The following LINGO2 variants were observed in gnomAD, a reference collection of about 807,000 sequenced individuals.
LINGO2 encodes the protein leucine-rich repeat and immunoglobulin-like domain-containing nogo receptor-interacting protein 2.
LINGO2 carries 14 observed loss-of-function variants against 30.6 expected under a neutral mutation model. The ratio of observed to expected loss-of-function variants is 0.46; its 90% CI spans 0.30 to 0.72. The LOEUF is 0.72. LINGO2 is among the 30% of genes least tolerant of loss of function. LINGO2 has a pLI of 0.07. For missense variants in LINGO2, 729 were observed against 751.7 expected, an observed-to-expected ratio of 0.97 and a Z score of 0.35; for synonymous variants, 317 against 288.5, an observed-to-expected ratio of 1.10 and a Z score of -1.00.
intron 4 of LINGO2, among the ~76,000 whole-genome samples, chr9:28,244,145 C>T (rs1821912651): frequency 6.6e-6 from 1 of 152,176 alleles, no homozygotes; most frequent in African/African-American, 2.4e-5. Context: ...ACAGTGCAAT[C>T]AAATTAGAAC....
intron 3 of LINGO2, among the ~76,000 whole-genome samples, chr9:28,311,027 C>T (rs145510179): frequency 1.3e-5 from 2 of 152,174 alleles, no homozygotes; most frequent in East Asian, 1.9e-4. Context: ...CATGTAGATT[C>T]TTTTCTATTT....
At chr9:28,494,272 G>T (rs959600532) in intron 1 of LINGO2, among the ~76,000 whole-genome samples, 4 of 151,850 alleles carry the variant, frequency 2.6e-5, no homozygotes, top group Non-Finnish European at 5.9e-5. Context: ...CAACTTGCAG[G>T]TTTGTTACAT....
chr9:29,183,596 T>A, the LINGO2 span, among the ~76,000 whole-genome samples: 1 of 152,198 alleles, frequency 6.6e-6, no homozygotes, highest in African/African-American at 2.4e-5. Flanking sequence ...TCGGGTTCAT[T>A]CATTCCTCTA....
the LINGO2 span, among the ~76,000 whole-genome samples, chr9:28,969,178 T>C: frequency 6.6e-6 from 1 of 151,550 alleles, no homozygotes; most frequent in South Asian, 2.1e-4. Flanking sequence ...AGATCAGCAC[T>C]GTGTTAAAAA....
At chr9:28,269,610 C>A (rs182160912) in intron 4 of LINGO2, among the ~76,000 whole-genome samples, 3 of 152,198 alleles carry the variant, frequency 2.0e-5, no homozygotes, top group Admixed American at 6.5e-5. Flanking sequence ...CACAGCAAGG[C>A]AAACTTTTCT....
the LINGO2 span, among the ~76,000 whole-genome samples, chr9:28,676,475 TTACATTTTTACTACAC>T: frequency 7.9e-5 from 12 of 152,190 alleles, no homozygotes; most frequent in Admixed American, 6.5e-4. Context: ...CAAGAGAATC[TTACATTTTTACTACAC>T]TAAATTCTAA....
At chr9:27,999,486 C>T (rs886685925) in intron 5 of LINGO2, among the ~76,000 whole-genome samples, 40 of 146,636 alleles carry the variant, frequency 2.7e-4, no homozygotes, top group Admixed American at 5.4e-4. Flanking sequence ...GTGTGATGCA[C>T]GTGCATTTGC....
chr9:28,706,658 T>C, the LINGO2 span, among the ~76,000 whole-genome samples: 1 of 152,118 alleles, frequency 6.6e-6, no homozygotes. Flanking sequence ...AACCTTCACA[T>C]TGAAATCTGT....
chr9:28,927,519 T>C, the LINGO2 span, among the ~76,000 whole-genome samples: 1 of 152,192 alleles, frequency 6.6e-6, no homozygotes, highest in Non-Finnish European at 1.5e-5. Context: ...TTTAGTATAC[T>C]GGAGAGATTT....
the LINGO2 span, among the ~76,000 whole-genome samples, chr9:29,009,188 A>G: frequency 7.2e-5 from 11 of 152,180 alleles, no homozygotes; most frequent in Non-Finnish European, 1.5e-4. Flanking sequence ...GGCCAGGGCA[A>G]TCAGGCAAGA....
At chr9:28,734,634 CTTGT>C in the LINGO2 span, among the ~76,000 whole-genome samples, 1 of 152,160 alleles carries the variant, frequency 6.6e-6, no homozygotes, top group Non-Finnish European at 1.5e-5. Context: ...AAAATGTAGA[CTTGT>C]TTGTTTTGGA....
chr9:28,068,155 T>C (rs916422329), intron 4 of LINGO2, among the ~76,000 whole-genome samples: 2 of 152,176 alleles, frequency 1.3e-5, no homozygotes, highest in African/African-American at 4.8e-5. Flanking sequence ...TCATGTAGTG[T>C]ATGCATATAC....
the LINGO2 span, among the ~76,000 whole-genome samples, chr9:28,699,318 C>G: frequency 2.0e-5 from 3 of 152,002 alleles, no homozygotes; most frequent in African/African-American, 4.8e-5. Flanking sequence ...AAGGGACTGG[C>G]TGGAGCTGCG....
chr9:29,162,517 C>T, the LINGO2 span, among the ~76,000 whole-genome samples: 2 of 151,958 alleles, frequency 1.3e-5, no homozygotes, highest in African/African-American at 4.8e-5. Context: ...AGTATATGTT[C>T]ATCAAATGAA....
chr9:28,947,793 A>G, the LINGO2 span, among the ~76,000 whole-genome samples: 2 of 151,814 alleles, frequency 1.3e-5, no homozygotes, highest in Non-Finnish European at 2.9e-5. Context: ...TTGGACCAAC[A>G]TATTAAGAAT....
chr9:28,394,585 C>A (rs1821967851), intron 2 of LINGO2, among the ~76,000 whole-genome samples: 1 of 152,188 alleles, frequency 6.6e-6, no homozygotes, highest in East Asian at 1.9e-4. Flanking sequence ...AAAAGGTAGG[C>A]AGATACAAGA....
chr9:28,880,815 A>G, the LINGO2 span, among the ~76,000 whole-genome samples: 17 of 152,282 alleles, frequency 1.1e-4, no homozygotes, highest in African/African-American at 4.1e-4. Flanking sequence ...GAGAGGCAAG[A>G]CATGTTTGCA....
At chr9:28,787,689 A>G in the LINGO2 span, among the ~76,000 whole-genome samples, 1 of 152,174 alleles carries the variant, frequency 6.6e-6, no homozygotes, top group South Asian at 2.1e-4. Context: ...CACCACTGGA[A>G]GGTTTTAATA....
At chr9:28,965,350 G>A in the LINGO2 span, among the ~76,000 whole-genome samples, 1 of 151,774 alleles carries the variant, frequency 6.6e-6, no homozygotes, top group Non-Finnish European at 1.5e-5. Flanking sequence ...TCCTTTTAAA[G>A]GAAACAAATA....
Sources: gnomAD v4.1 joint callset for allele counts (sites outside exome capture counted in the v4.1 genomes callset) on GRCh38, gnomAD v4.1.1 for gene constraint, MANE v1.5 for transcripts, NCBI Gene and HGNC (gene_info 2026-07-23, HGNC 2026-07-21) for gene names.